LZTFL1: variants seen among roughly 807,000 people sequenced by gnomAD.
LZTFL1 encodes the protein leucine zipper transcription factor like 1, also known as leucine zipper transcription factor-like protein 1.
A neutral mutation model predicts 45.9 loss-of-function variants in LZTFL1; 25 were observed. The observed-to-expected ratio is 0.54, with a 90% CI of 0.40 to 0.76. The LOEUF (loss-of-function observed/expected upper bound fraction) is 0.76. LZTFL1 is among the 30% of genes least tolerant of loss of function. LZTFL1 has a pLI of 0.00. For synonymous variants in LZTFL1, 93 were observed against 117.4 expected, an observed-to-expected ratio of 0.79 and a Z score of 1.35; for missense variants, 277 against 331.1, an observed-to-expected ratio of 0.84 and a Z score of 1.27.
intron 1 of LZTFL1, chr3:45,913,265 T>A (rs968186041): frequency 1.2e-5 from 12 of 1,018,818 alleles, no homozygotes; most frequent in Non-Finnish European, 1.7e-5. Context: ...ATCTTTCTCT[T>A]GTTTTTCATG....
chr3:45,868,307 G>T (rs1314204247), intron 2 of LZTFL1, among the ~76,000 whole-genome samples: 1 of 151,790 alleles, frequency 6.6e-6, no homozygotes, highest in African/African-American at 2.4e-5. Context: ...GTAGAGTTGT[G>T]GTAGCAAACC....
chr3:45,829,283 T>C (rs1700750808), intron 7 of LZTFL1, among the ~76,000 whole-genome samples: 1 of 152,118 alleles, frequency 6.6e-6, no homozygotes, highest in Admixed American at 6.6e-5. Context: ...AGTAAAATGG[T>C]CTACAATTGG....
chr3:45,914,191 TC>T (rs1702852602), intron 1 of LZTFL1, among the ~76,000 whole-genome samples: 1 of 152,168 alleles, frequency 6.6e-6, no homozygotes, highest in South Asian at 2.1e-4. Flanking sequence ...ACAGCAACGT[TC>T]ACCAGGACCA....
chr3:45,894,994 A>G (rs773724315), intron 2 of LZTFL1: 2 of 1,601,634 alleles, frequency 1.2e-6, no homozygotes, highest in Non-Finnish European at 1.7e-6. Context: ...CAAAACACAC[A>G]CTCATCTTCC....
chr3:45,861,223 A>T (rs530873112), intron 2 of LZTFL1, among the ~76,000 whole-genome samples: 1 of 151,924 alleles, frequency 6.6e-6, no homozygotes, highest in East Asian at 1.9e-4. Flanking sequence ...AAAAAAAAAA[A>T]AAACCCCAAA....
intron 2 of LZTFL1, among the ~76,000 whole-genome samples, chr3:45,883,176 G>C (rs1350527545): frequency 1.3e-5 from 2 of 152,196 alleles, no homozygotes; most frequent in East Asian, 3.8e-4. Flanking sequence ...ACTGAATAGA[G>C]AGGGAAGTTT....
At chr3:45,841,648 C>A in intron 1 of LZTFL1, 1 of 437,754 alleles carries the variant, frequency 2.3e-6, no homozygotes. Context: ...GTTAAGAACC[C>A]TGCCGTGCAC....
chr3:45,905,148 G>T (rs1702656035), intron 2 of LZTFL1, among the ~76,000 whole-genome samples: 1 of 152,220 alleles, frequency 6.6e-6, no homozygotes, highest in South Asian at 2.1e-4. Context: ...AGTAGTCACT[G>T]ATTGTTTAGT....
At position 45,900,809 on chromosome 3, in the gene LZTFL1, G is replaced by A. The variant is rs756208999; in HGVS notation, c.-215+12311C>T. The stretch of plus-strand genomic sequence containing the variant: ...TAATGCCATCTTGTGTCCCCTTGCA[G>A]AGCCCTATTCCTAACATGGCTGATG... On this transcript the variant is annotated intron_variant, in intron 2 of 4. Coordinates refer to the LZTFL1 transcript ENST00000472635. The surrounding 1 kb of genome is among the most constrained non-coding windows in gnomAD (Gnocchi z 4.7). 8 of 1,606,234 alleles carry A rather than the reference G, an allele frequency of 5.0e-6. No homozygotes were observed. In the South Asian group the frequency reaches 8.9e-5, roughly 18 times the overall value.
intron 2 of LZTFL1, among the ~76,000 whole-genome samples, chr3:45,908,096 C>A (rs567250529): frequency 1.3e-5 from 2 of 152,202 alleles, no homozygotes; most frequent in South Asian, 4.2e-4. Flanking sequence ...CTCCTCCCAT[C>A]AAAACATGGG....
chr3:45,862,286 G>A (rs1575275345), intron 2 of LZTFL1, among the ~76,000 whole-genome samples: 1 of 152,322 alleles, frequency 6.6e-6, no homozygotes, highest in Non-Finnish European at 1.5e-5. Context: ...CCAGGAACAG[G>A]CGGACCAGGC....
chr3:45,844,463 A>G (rs144594989), upstream of LZTFL1, among the ~76,000 whole-genome samples: 119 of 151,790 alleles, frequency 7.8e-4, no homozygotes, highest in African/African-American at 2.8e-3. Context: ...TAAAAAAAAA[A>G]TAGGTGATAC....
chr3:45,857,629 C>A (rs1046928805), intron 3 of LZTFL1, among the ~76,000 whole-genome samples: 1 of 152,176 alleles, frequency 6.6e-6, no homozygotes, highest in South Asian at 2.1e-4. Context: ...TAGACTAAAA[C>A]TCAATTTTAA....
intron 2 of LZTFL1, among the ~76,000 whole-genome samples, chr3:45,897,986 A>AC (rs1702416760): frequency 6.6e-6 from 1 of 151,728 alleles, no homozygotes; most frequent in Non-Finnish European, 1.5e-5. Flanking sequence ...AAAAAAAAAA[A>AC]AAAAAAACAC....
At chr3:45,890,317 T>TATATA (rs1314296937) in intron 2 of LZTFL1, among the ~76,000 whole-genome samples, 1 of 61,368 alleles carries the variant, frequency 1.6e-5, no homozygotes, top group Non-Finnish European at 2.9e-5. Flanking sequence ...ATATATATAT[T>TATATA]TATATAAATA....
At chr3:45,862,862 C>T (rs1257743845) in intron 2 of LZTFL1, among the ~76,000 whole-genome samples, 1 of 152,164 alleles carries the variant, frequency 6.6e-6, no homozygotes, top group Non-Finnish European at 1.5e-5. Flanking sequence ...GTGGAGGGAG[C>T]ACAGATATAA....
intron 9 of LZTFL1, 145 bp from the exon 10 acceptor site, chr3:45,826,477 T>C (rs1446468129): frequency 2.5e-5 from 18 of 708,836 alleles, no homozygotes; most frequent in Non-Finnish European, 3.8e-5. Context: ...TTTGTTTTGA[T>C]GGTGACTCAG....
chr3:45,910,342 T>C (rs1416042815), intron 2 of LZTFL1, among the ~76,000 whole-genome samples: 1 of 152,058 alleles, frequency 6.6e-6, no homozygotes, highest in Non-Finnish European at 1.5e-5. Context: ...AAGATTAGAA[T>C]TGAAAGAAAG....
intron 3 of LZTFL1, among the ~76,000 whole-genome samples, chr3:45,857,684 G>A (rs1198088484): frequency 6.6e-6 from 1 of 152,128 alleles, no homozygotes; most frequent in Non-Finnish European, 1.5e-5. Flanking sequence ...AGATGTGGTT[G>A]GACAAATAGG....
Sources: gnomAD v4.1 joint callset for allele counts (sites outside exome capture counted in the v4.1 genomes callset) on GRCh38, gnomAD v4.1.1 for gene constraint, Gnocchi (gnomAD v3.1) non-coding constraint, MANE v1.5 for transcripts, NCBI Gene and HGNC (gene_info 2026-07-23, HGNC 2026-07-21) for gene names.